EIPR1: variants seen among roughly 807,000 people sequenced by gnomAD.
EIPR1 encodes the protein EARP complex and GARP complex interacting protein 1.
Under a neutral mutation model 48.1 loss-of-function variants are expected in EIPR1, and 25 were observed. That is an observed-to-expected ratio of 0.52 (90% CI 0.38 to 0.73). The LOEUF is 0.73. Ranked by LOEUF, EIPR1 falls within the 30% of genes least tolerant of loss-of-function variation. The pLI is 0.00. For synonymous variants in EIPR1, 204 were observed against 201.9 expected (o/e 1.01, Z -0.09); for missense variants, 415 against 506.2 (o/e 0.82, Z 1.73).
At chr2:3,193,346 G>C (rs1335007296) in intron 7 of EIPR1, among the ~76,000 whole-genome samples, 1 of 152,184 alleles carries the variant, frequency 6.6e-6, no homozygotes, top group African/African-American at 2.4e-5. Context: ...TTTGACTTGG[G>C]GAGGATTCCT....
At chr2:3,299,654 A>ACACACT (rs1287213180) in intron 3 of EIPR1, among the ~76,000 whole-genome samples, 1 of 151,550 alleles carries the variant, frequency 6.6e-6, no homozygotes, top group Non-Finnish European at 1.5e-5. Context: ...ACACACACAC[A>ACACACT]CACACTTTGA....
chr2:3,304,242 C>T (rs960028043), intron 3 of EIPR1, among the ~76,000 whole-genome samples: 2 of 152,176 alleles, frequency 1.3e-5, no homozygotes, highest in African/African-American at 4.8e-5. Context: ...GGTGGTCTGG[C>T]GAGATCGGAG....
chr2:3,361,336 A>G (rs1311234687), intron 1 of EIPR1, among the ~76,000 whole-genome samples: 2 of 152,102 alleles, frequency 1.3e-5, no homozygotes, highest in African/African-American at 4.8e-5. Flanking sequence ...AGCTGCAAGG[A>G]AAGAACTCAC....
chr2:3,234,909 G>A (rs1438480588), intron 4 of EIPR1, among the ~76,000 whole-genome samples: 1 of 152,260 alleles, frequency 6.6e-6, no homozygotes, highest in Non-Finnish European at 1.5e-5. Flanking sequence ...TAACCAGCTG[G>A]TCCCGGGCCT....
At chr2:3,336,108 G>A (rs949028599) in intron 3 of EIPR1, among the ~76,000 whole-genome samples, 4 of 152,186 alleles carry the variant, frequency 2.6e-5, no homozygotes, top group African/African-American at 9.7e-5. Flanking sequence ...TCAGGCAGAA[G>A]AGAGTGAAGG....
At chr2:3,197,175 G>A (rs1572278715) in intron 5 of EIPR1, among the ~76,000 whole-genome samples, 158 bp from the exon 6 acceptor site, 1 of 152,266 alleles carries the variant, frequency 6.6e-6, no homozygotes, top group East Asian at 1.9e-4. Flanking sequence ...TTCCTTAAAT[G>A]GCAAAAATGA....
At chr2:3,219,055 C>T (rs1397372310) in intron 4 of EIPR1, among the ~76,000 whole-genome samples, 1 of 150,438 alleles carries the variant, frequency 6.6e-6, no homozygotes, top group Non-Finnish European at 1.5e-5. Flanking sequence ...GACTCAGGTG[C>T]ACACCCAACA....
At chr2:3,190,550 C>A (rs886446202) in intron 8 of EIPR1, among the ~76,000 whole-genome samples, 2 of 152,144 alleles carry the variant, frequency 1.3e-5, no homozygotes, top group African/African-American at 4.8e-5. Context: ...GTCTGCGTAG[C>A]CCCGATCACC....
At chr2:3,258,635 C>T (rs1386526602) in intron 3 of EIPR1, among the ~76,000 whole-genome samples, 2 of 152,146 alleles carry the variant, frequency 1.3e-5, no homozygotes, top group South Asian at 2.1e-4. Context: ...ATCAACTAAT[C>T]GACCAAGCAA....
intron 4 of EIPR1, among the ~76,000 whole-genome samples, chr2:3,221,418 A>G (rs77739533): frequency 4.0e-4 from 1 of 2,520 alleles, no homozygotes; most frequent in African/African-American, 5.9e-4. Context: ...ACACTCTAGA[A>G]CACTCACAGT....
intron 3 of EIPR1, among the ~76,000 whole-genome samples, chr2:3,302,124 A>G (rs1287944580): frequency 1.3e-5 from 2 of 152,230 alleles, no homozygotes; most frequent in African/African-American, 4.8e-5. Flanking sequence ...ATACTCCCTC[A>G]GCGACTTGGG....
intron 3 of EIPR1, among the ~76,000 whole-genome samples, chr2:3,279,573 G>A (rs961631370): frequency 6.6e-6 from 1 of 152,138 alleles, no homozygotes; most frequent in East Asian, 1.9e-4. Context: ...TTCTCTTCTG[G>A]GGATTTTTAA....
chr2:3,343,626 G>C (rs1303041438), intron 2 of EIPR1, among the ~76,000 whole-genome samples: 1 of 152,184 alleles, frequency 6.6e-6, no homozygotes, highest in Non-Finnish European at 1.5e-5. Context: ...GGCTATAGGT[G>C]ACACTGTAAA....
chr2:3,282,046 G>A (rs571603649), intron 3 of EIPR1, among the ~76,000 whole-genome samples: 1 of 152,314 alleles, frequency 6.6e-6, no homozygotes, highest in East Asian at 1.9e-4. Context: ...TATATTCAAT[G>A]CCACAAAAAA....
chr2:3,377,506 C>T lies in EIPR1; in HGVS notation c.42+142G>A, dbSNP rs978249606. 1.0e-5 allele frequency: 12 copies of T among 1,142,862 alleles called. No homozygotes were observed. The African/African-American group carries it at 1.7e-4, about 16-fold the overall frequency. The allele number at this position is 1,142,862 out of a possible 1,614,324, so 70.8% of individuals were successfully genotyped here. ...TTTAACCTCCTAAAGCCTCAGTTTACTTCTCTGCAAAATGGGAACTAGGGA... is the reference window on the plus strand; with the variant it reads ...TTTAACCTCCTAAAGCCTCAGTTTATTTCTCTGCAAAATGGGAACTAGGGA... On this transcript the variant is annotated intron_variant, in intron 1 of 8. Transcript: ENST00000382125.
intron 3 of EIPR1, among the ~76,000 whole-genome samples, chr2:3,278,251 C>A (rs548611703): frequency 1.3e-5 from 2 of 152,266 alleles, no homozygotes; most frequent in Admixed American, 1.3e-4. Context: ...ATCCCTGCAT[C>A]CTGCCCCATC....
chr2:3,267,436 G>A (rs940545522), intron 3 of EIPR1, among the ~76,000 whole-genome samples: 52 of 152,356 alleles, frequency 3.4e-4, no homozygotes, highest in African/African-American at 1.2e-3. Context: ...GGCCTGCGTC[G>A]CAGCAGCGGG....
At chr2:3,246,001 G>C (rs187277122) in intron 4 of EIPR1, among the ~76,000 whole-genome samples, 22 of 152,290 alleles carry the variant, frequency 1.4e-4, no homozygotes, top group East Asian at 9.7e-4. Flanking sequence ...TGAGATGGGA[G>C]GATCACGTGA....
chr2:3,304,857 C>CACTCCCGCCCAGTTCAGCCCTCT (rs1217749406), intron 3 of EIPR1, among the ~76,000 whole-genome samples: 6 of 150,504 alleles, frequency 4.0e-5, no homozygotes, highest in African/African-American at 1.5e-4. Context: ...TTCAGCCCTC[C>CACTCCCGCCCAGTTCAGCCCTCT]ACTGCCATCC....
Sources: gnomAD v4.1 joint callset for allele counts (sites outside exome capture counted in the v4.1 genomes callset) on GRCh38, gnomAD v4.1.1 for gene constraint, MANE v1.5 for transcripts, NCBI Gene and HGNC (gene_info 2026-07-23, HGNC 2026-07-21) for gene names.